The following MYO1E variants were observed in gnomAD, a reference collection of about 807,000 sequenced individuals.
MYO1E encodes the protein myosin IE.
In MYO1E, 68 loss-of-function variants were observed where a neutral mutation model predicts 151.1. The ratio of observed to expected loss-of-function variants is 0.45; its 90% CI spans 0.37 to 0.55. The LOEUF is 0.55. Ranked by LOEUF, MYO1E falls within the 20% of genes least tolerant of loss-of-function variation. The pLI is 0.00. For missense variants in MYO1E, 1,363 were observed against 1,389.3 expected (o/e 0.98, Z 0.30); for synonymous variants, 601 against 501.7 (o/e 1.20, Z -2.64).
intron 9 of MYO1E, among the ~76,000 whole-genome samples, chr15:59,221,882 A>C (rs1202821337): frequency 1.3e-5 from 2 of 152,242 alleles, no homozygotes; most frequent in Non-Finnish European, 2.9e-5. Flanking sequence ...ACTTCAACAG[A>C]AACTACCACC....
chr15:59,372,112 C>A (rs542536325), intron 1 of MYO1E, among the ~76,000 whole-genome samples: 1 of 150,620 alleles, frequency 6.6e-6, no homozygotes, highest in African/African-American at 2.4e-5. Flanking sequence ...CCAGCGGCTG[C>A]GGCGCGAGTC....
chr15:59,213,136 T>TTTTTTATTA (rs1555411635), intron 12 of MYO1E, among the ~76,000 whole-genome samples: 6 of 139,368 alleles, frequency 4.3e-5, no homozygotes, highest in Admixed American at 7.1e-5. Flanking sequence ...GAACTATTTA[T>TTTTTTATTA]TTATTATTAT....
Position 59,195,475 on chromosome 15 carries a change from G to A in MYO1E, c.1791C>T (p.Asp597=), listed in dbSNP as rs138152716. The change falls in exon 17 of 28, where the codon GAC becomes GAT. Residue 597 remains aspartate (D), a synonymous_variant. Transcript: ENST00000288235. ...IKPNETKKPR[D]WEESRVKHQV... is the part of the protein sequence containing the mutation. ...TCCCCCGATACCTGCTTTCCTCCCA[G>A]TCTCTGGGCTTCTTGGTTTCGTTTG... is the stretch of plus-strand genomic sequence containing the variant. 1.2e-6 allele frequency: 2 copies of A among 1,613,654 alleles called. No homozygotes were observed. The highest frequency in any genetic ancestry group is 1.7e-6 in the Non-Finnish European group (2 of 1,179,572).
chr15:59,334,794 G>A (rs1284131437), intron 1 of MYO1E, among the ~76,000 whole-genome samples: 1 of 152,186 alleles, frequency 6.6e-6, no homozygotes, highest in African/African-American at 2.4e-5. Flanking sequence ...AAAACAGAAG[G>A]AAATCAGAGA....
At chr15:59,216,681 TATATACAC>T (rs1233983607) in intron 10 of MYO1E, among the ~76,000 whole-genome samples, 2 of 27,384 alleles carry the variant, frequency 7.3e-5, no homozygotes, top group African/African-American at 2.6e-4. Context: ...TATATATATA[TATATACAC>T]ATACACACAC....
chr15:59,361,217 A>G (rs938794135), intron 1 of MYO1E, among the ~76,000 whole-genome samples: 4 of 152,222 alleles, frequency 2.6e-5, no homozygotes, highest in Non-Finnish European at 5.9e-5. Context: ...AGCTGACCAC[A>G]GTGATTGAAT....
intron 26 of MYO1E, among the ~76,000 whole-genome samples, chr15:59,141,105 A>G (rs2079406356): frequency 2.6e-5 from 4 of 152,160 alleles, no homozygotes; most frequent in South Asian, 2.1e-4. Context: ...TAGCCTGGAT[A>G]CCAGACGTCA....
At chr15:59,146,693 A>ATT (rs1206047681) in intron 26 of MYO1E, among the ~76,000 whole-genome samples, 6 of 149,114 alleles carry the variant, frequency 4.0e-5, no homozygotes, top group African/African-American at 1.2e-4. Context: ...ATAAAGGCTC[A>ATT]TTATATATAT....
intron 14 of MYO1E, among the ~76,000 whole-genome samples, chr15:59,205,891 T>C (rs1490097076): frequency 1.3e-5 from 2 of 152,182 alleles, no homozygotes; most frequent in African/African-American, 4.8e-5. Flanking sequence ...CCCCTCATGC[T>C]CAGTAATTCA....
At chr15:59,206,824 G>A in intron 14 of MYO1E, 1 of 1,029,270 alleles carries the variant, frequency 9.7e-7, no homozygotes, top group South Asian at 1.7e-5. Context: ...CCAGGGGGCG[G>A]GGCACGCGCA....
chr15:59,219,176 T>G (rs1294319233), intron 9 of MYO1E, among the ~76,000 whole-genome samples: 2 of 152,182 alleles, frequency 1.3e-5, no homozygotes, highest in Non-Finnish European at 2.9e-5. Flanking sequence ...TAGCTCAACA[T>G]CTTGTTTCAG....
rs1259870183 is a variant in MYO1E, at chr15:59,350,090, G to C, written c.3+22408C>G. On this transcript the variant is annotated intron_variant, in intron 1 of 27. Coordinates refer to ENST00000288235, the MANE Select transcript of MYO1E (RefSeq NM_004998.4). This position sits in a 1 kb window ranked among gnomAD's most constrained non-coding sequence, Gnocchi z 5.0. ...GCATTTTATAATTTTCTTATTAATT[G>C]TCAATACATCACCACTTGAATGAAA... Among the ~76,000 whole-genome samples the C allele has an allele frequency of 6.6e-6, 1 of 152,206 alleles. No individual in the cohort carries two copies. The highest frequency in any genetic ancestry group is 1.9e-4 in the East Asian group (1 of 5,202).
At chr15:59,360,868 T>C (rs1161174215) in intron 1 of MYO1E, among the ~76,000 whole-genome samples, 1 of 152,118 alleles carries the variant, frequency 6.6e-6, no homozygotes, top group Non-Finnish European at 1.5e-5. Flanking sequence ...TGTAGGAAAG[T>C]TGACAGAAAA....
chr15:59,315,739 T>C (rs1183495315), intron 1 of MYO1E, among the ~76,000 whole-genome samples: 5 of 152,184 alleles, frequency 3.3e-5, no homozygotes, highest in African/African-American at 1.2e-4. Flanking sequence ...CACATTAACC[T>C]CTTCCTTGAA....
chr15:59,267,216 G>C (rs920665449), intron 2 of MYO1E, among the ~76,000 whole-genome samples: 1 of 9,636 alleles, frequency 1.0e-4, no homozygotes, highest in African/African-American at 1.5e-4. Flanking sequence ...AGTAGAGACG[G>C]GGTTTTCACC....
At chr15:59,154,480 T>C (rs1218779699) in intron 25 of MYO1E, among the ~76,000 whole-genome samples, 1 of 152,248 alleles carries the variant, frequency 6.6e-6, no homozygotes, top group Non-Finnish European at 1.5e-5. Context: ...GACTCGGGCA[T>C]TAGCATTCCA....
chr15:59,232,718 T>C (rs2080035750), intron 5 of MYO1E, among the ~76,000 whole-genome samples: 1 of 152,216 alleles, frequency 6.6e-6, no homozygotes, highest in South Asian at 2.1e-4. Context: ...TGTATCATTG[T>C]CCTCATAGGA....
intron 3 of MYO1E, among the ~76,000 whole-genome samples, chr15:59,259,052 T>A (rs2080210708): frequency 6.6e-6 from 1 of 152,032 alleles, no homozygotes; most frequent in Non-Finnish European, 1.5e-5. Flanking sequence ...CCACCTTGGC[T>A]TCCCAATGTG....
At chr15:59,302,320 G>T (rs575484494) in intron 1 of MYO1E, among the ~76,000 whole-genome samples, 1 of 152,314 alleles carries the variant, frequency 6.6e-6, no homozygotes, top group South Asian at 2.1e-4. Flanking sequence ...TATGATCACA[G>T]ACATTAACAT....
Sources: allele counts gnomAD v4.1 joint callset (sites outside exome capture counted in the v4.1 genomes callset), GRCh38; gene constraint gnomAD v4.1.1; non-coding constraint Gnocchi (gnomAD v3.1); transcripts MANE v1.5; gene names NCBI Gene and HGNC (gene_info 2026-07-23, HGNC 2026-07-21).